The following KDM4C variants were observed in gnomAD, a reference collection of about 807,000 sequenced individuals.
The protein encoded by KDM4C is lysine demethylase 4C.
A neutral mutation model predicts 129.3 loss-of-function variants in KDM4C; 81 were observed. The ratio of observed to expected loss-of-function variants is 0.63; its 90% CI spans 0.52 to 0.75. KDM4C has a LOEUF of 0.75. Ranked by LOEUF, KDM4C falls within the 30% of genes least tolerant of loss-of-function variation. The probability of loss-of-function intolerance (pLI) is 0.00; values close to 1 mark genes in which losing one functional copy is unlikely to be tolerated. For missense variants in KDM4C, 1,457 were observed against 1,304.0 expected (o/e 1.12, Z -1.81); for synonymous variants, 573 against 456.1 (o/e 1.26, Z -3.26).
chr9:6,811,027 A>G (rs1369739000), intron 3 of KDM4C, among the ~76,000 whole-genome samples: 2 of 152,166 alleles, frequency 1.3e-5, no homozygotes, highest in African/African-American at 4.8e-5. Flanking sequence ...ATGCCAAGGA[A>G]ATGGATTTCT....
intron 15 of KDM4C, among the ~76,000 whole-genome samples, chr9:7,019,412 T>A (rs1824253033): frequency 6.6e-6 from 1 of 151,600 alleles, no homozygotes; most frequent in African/African-American, 2.4e-5. Flanking sequence ...CATTGGTGGC[T>A]TGTAGTTCAC....
At chr9:6,803,653 T>G (rs903878877) in intron 2 of KDM4C, among the ~76,000 whole-genome samples, 5 of 151,432 alleles carry the variant, frequency 3.3e-5, no homozygotes, top group Non-Finnish European at 5.9e-5. Flanking sequence ...GACTATTGCC[T>G]GTAATTCCAG....
At chr9:6,824,692 A>C (rs1283965598) in intron 4 of KDM4C, among the ~76,000 whole-genome samples, 1 of 152,114 alleles carries the variant, frequency 6.6e-6, no homozygotes, top group African/African-American at 2.4e-5. Flanking sequence ...TCATTAAAAC[A>C]GTCCATTATA....
intron 5 of KDM4C, among the ~76,000 whole-genome samples, chr9:6,856,677 A>G (rs1477876083): frequency 1.3e-5 from 2 of 148,634 alleles, no homozygotes; most frequent in Non-Finnish European, 3.0e-5. Context: ...GGCTCAAGTG[A>G]TCCTCCCACT....
rs148310585 is a variant in KDM4C at position 6,739,456 on chromosome 9, C to T, written c.49+18459C>T. ...GTGGGATTTGTAAAATGACAAATCA[C>T]TGGACACAATCATGTGTTTACACTA... is the stretch of plus-strand genomic sequence containing the variant. On this transcript the variant is annotated intron_variant, in intron 1 of 17. Coordinates refer to the KDM4C transcript ENST00000536108. Among the ~76,000 whole-genome samples, 502 of 152,120 alleles carry T rather than the reference C, an allele frequency of 3.3e-3. 4 individuals are homozygous for T. Among genetic ancestry groups the T allele is most frequent in the African/African-American group, 0.012 (485 of 41,508 alleles).
intron 17 of KDM4C, among the ~76,000 whole-genome samples, chr9:7,091,599 A>T (rs1449857314): frequency 6.6e-6 from 1 of 151,726 alleles, no homozygotes; most frequent in Non-Finnish European, 1.5e-5. Flanking sequence ...TTTACTAAAC[A>T]TGGCTACAAG....
At chr9:7,042,658 ACTTT>A (rs1443678232) in intron 15 of KDM4C, among the ~76,000 whole-genome samples, 1 of 152,038 alleles carries the variant, frequency 6.6e-6, no homozygotes, top group African/African-American at 2.4e-5. Context: ...ACATACAGGA[ACTTT>A]CTTCTTGTCA....
At chr9:6,954,728 C>T (rs1217477331) in intron 8 of KDM4C, among the ~76,000 whole-genome samples, 1 of 152,176 alleles carries the variant, frequency 6.6e-6, no homozygotes, top group Non-Finnish European at 1.5e-5. Context: ...CCTAGCCCAA[C>T]AATGGAGAGT....
intron 1 of KDM4C, among the ~76,000 whole-genome samples, chr9:6,786,458 G>A (rs1417264850): frequency 6.6e-6 from 1 of 152,174 alleles, no homozygotes; most frequent in Non-Finnish European, 1.5e-5. Context: ...CTCTGTGGAA[G>A]CAAGATAACA....
In KDM4C at chr9:6,857,922, GT is replaced by G. The variant is rs71487861; in HGVS notation, c.629+8246del. ...GGTGCATGTTAACACATCTGGCTAA[GT>G]TTTTTTTTTTTTTTTTTTTTTTTAG... is the stretch of plus-strand genomic sequence containing the variant. On this transcript the variant is annotated intron_variant, in intron 5 of 21. Transcript: ENST00000381309. Among the ~76,000 whole-genome samples the G allele has an allele frequency of 8.9e-3, 917 of 103,076 alleles. 17 individuals carry two copies. Among genetic ancestry groups the G allele is most frequent in the South Asian group, 0.065 (172 of 2,630 alleles). The allele number at this position is 103,076 out of a possible 152,430, so 67.6% of individuals were successfully genotyped here.
In KDM4C at chr9:6,892,332, A is replaced by G. The variant is rs184203831; in HGVS notation, c.784-763A>G. Among the ~76,000 whole-genome samples the G allele has an allele frequency of 1.2e-3, 184 of 152,292 alleles. 1 individual carries two copies. Among genetic ancestry groups the G allele is most frequent in the Non-Finnish European group, 2.0e-3 (137 of 67,998 alleles). On this transcript the variant is annotated intron_variant, in intron 7 of 21. Coordinates refer to ENST00000381309, the MANE Select transcript of KDM4C (RefSeq NM_015061.6). ...TCGGATAGATACTTTTTTAAAAAAG[A>G]AACAACACTACATTTTTCTTCACTT...
At chr9:7,007,948 C>A (rs1031556549) in intron 12 of KDM4C, among the ~76,000 whole-genome samples, 1 of 152,142 alleles carries the variant, frequency 6.6e-6, no homozygotes, top group Admixed American at 6.5e-5. Context: ...CGCTTGTCCC[C>A]TGGCAGAAAC....
At chr9:7,062,358 T>G (rs1190705361) in intron 17 of KDM4C, among the ~76,000 whole-genome samples, 1 of 151,872 alleles carries the variant, frequency 6.6e-6, no homozygotes, top group Non-Finnish European at 1.5e-5. Context: ...CTTCCAAAAT[T>G]TTCTTTACTT....
chr9:7,041,217 C>T (rs764609881), intron 15 of KDM4C, among the ~76,000 whole-genome samples: 1 of 151,758 alleles, frequency 6.6e-6, no homozygotes, highest in African/African-American at 2.4e-5. Flanking sequence ...TCATTATTCC[C>T]TAATTGATAC....
intron 17 of KDM4C, among the ~76,000 whole-genome samples, chr9:7,096,254 G>A (rs1185301464): frequency 6.6e-6 from 1 of 152,160 alleles, no homozygotes; most frequent in Admixed American, 6.5e-5. Context: ...TATCAGCGAA[G>A]TGCTTCTTTC....
At chr9:6,813,504 A>AGTGAGT (rs1831538350) in intron 3 of KDM4C, among the ~76,000 whole-genome samples, 1 of 152,222 alleles carries the variant, frequency 6.6e-6, no homozygotes, top group Non-Finnish European at 1.5e-5. Flanking sequence ...TCCCCAGTAT[A>AGTGAGT]GTGAGTGTAG....
At position 7,101,339 on chromosome 9, in the gene KDM4C, G is replaced by GA. The variant is rs200647796; in HGVS notation, c.2425-2338dup. On this transcript the variant is annotated intron_variant, in intron 17 of 21. Coordinates refer to ENST00000381309, the MANE Select transcript of KDM4C (RefSeq NM_015061.6). ...TTCCAGAGATTTTTCTGCCAGGGAG[G>GA]AAAAAAAACCATTTTAGCAACAAAC... Among the ~76,000 whole-genome samples, 574 of 151,684 alleles carry GA rather than the reference G, an allele frequency of 3.8e-3. 4 individuals carry two copies. Among genetic ancestry groups the GA allele is most frequent in the African/African-American group, 0.013 (535 of 41,390 alleles).
intron 18 of KDM4C, among the ~76,000 whole-genome samples, chr9:7,123,593 C>T (rs551828173): frequency 1.7e-4 from 26 of 152,276 alleles, no homozygotes; most frequent in Non-Finnish European, 2.2e-4. Flanking sequence ...TTACAGACAC[C>T]GTGCTGGGTT....
chr9:7,059,866 T>A (rs934329814), intron 17 of KDM4C, among the ~76,000 whole-genome samples: 2 of 152,128 alleles, frequency 1.3e-5, no homozygotes, highest in African/African-American at 4.8e-5. Context: ...AATGAATTCA[T>A]AAATATATAT....
Sources: allele counts gnomAD v4.1 joint callset (sites outside exome capture counted in the v4.1 genomes callset), GRCh38; gene constraint gnomAD v4.1.1; transcripts MANE v1.5; gene names NCBI Gene and HGNC (gene_info 2026-07-23, HGNC 2026-07-21).